Variants in SCHIP1 observed in about 807,000 individuals in gnomAD.
SCHIP1 encodes schwannomin-interacting protein 1.
Under a neutral mutation model 29.7 loss-of-function variants are expected in SCHIP1, and 8 were observed. The ratio of observed to expected loss-of-function variants is 0.27; its 90% CI spans 0.16 to 0.49. The LOEUF is 0.49. SCHIP1 is among the 20% of genes least tolerant of loss of function. SCHIP1 has a pLI of 0.99. For synonymous variants in SCHIP1, 76 were observed against 94.9 expected (o/e 0.80, Z 1.16); for missense variants, 193 against 294.6 (o/e 0.66, Z 2.52).
At chr3:159,388,967 G>A in the SCHIP1 span, among the ~76,000 whole-genome samples, 1 of 152,024 alleles carries the variant, frequency 6.6e-6, no homozygotes, top group Non-Finnish European at 1.5e-5. Context: ...TATTTTACAA[G>A]CTCAGGCTAG....
the SCHIP1 span, among the ~76,000 whole-genome samples, chr3:159,287,678 G>A: frequency 6.6e-6 from 1 of 152,000 alleles, no homozygotes; most frequent in African/African-American, 2.4e-5. Flanking sequence ...TATAATTATA[G>A]CAATCCTATA....
intron 2 of SCHIP1, among the ~76,000 whole-genome samples, chr3:159,867,247 T>C (rs1399307964): frequency 1.3e-5 from 2 of 152,208 alleles, no homozygotes; most frequent in Admixed American, 1.3e-4. Flanking sequence ...ATATACTCTG[T>C]TAAAATACTC....
chr3:159,784,103 T>C, the SCHIP1 span, among the ~76,000 whole-genome samples: 10 of 152,310 alleles, frequency 6.6e-5, no homozygotes, highest in East Asian at 7.7e-4. Flanking sequence ...GAGCAAAGGA[T>C]AATTACCGTG....
At chr3:159,850,816 G>A (rs1275761101) in intron 1 of SCHIP1, among the ~76,000 whole-genome samples, 1 of 152,150 alleles carries the variant, frequency 6.6e-6, no homozygotes, top group African/African-American at 2.4e-5. Context: ...TAGGGGGATG[G>A]TGCTAAACCA....
the SCHIP1 span, among the ~76,000 whole-genome samples, chr3:159,451,813 G>T: frequency 2.0e-4 from 31 of 152,264 alleles, no homozygotes; most frequent in Non-Finnish European, 3.8e-4. Flanking sequence ...GACATAAAGT[G>T]CTGTGAGAGC....
At chr3:159,876,424 A>T (rs1354444100) in intron 2 of SCHIP1, among the ~76,000 whole-genome samples, 1 of 152,180 alleles carries the variant, frequency 6.6e-6, no homozygotes, top group African/African-American at 2.4e-5. Context: ...CCTCATCTGT[A>T]AAATAGGGTA....
the SCHIP1 span, among the ~76,000 whole-genome samples, chr3:159,434,388 A>G: frequency 6.6e-6 from 1 of 152,162 alleles, no homozygotes; most frequent in Non-Finnish European, 1.5e-5. Flanking sequence ...AGAAAACCCA[A>G]CTAATAGTGA....
chr3:159,332,577 A>G, the SCHIP1 span, among the ~76,000 whole-genome samples: 1 of 152,160 alleles, frequency 6.6e-6, no homozygotes, highest in Admixed American at 6.5e-5. Context: ...TTCAGTCTCC[A>G]GGAATATGAG....
At chr3:159,454,194 C>T in the SCHIP1 span, among the ~76,000 whole-genome samples, 2 of 152,158 alleles carry the variant, frequency 1.3e-5, no homozygotes, top group Non-Finnish European at 2.9e-5. Context: ...GGTACTATCC[C>T]CCGAAGATTC....
the SCHIP1 span, among the ~76,000 whole-genome samples, chr3:159,799,685 C>T: frequency 6.6e-6 from 1 of 152,124 alleles, no homozygotes; most frequent in Admixed American, 6.5e-5. Flanking sequence ...GAGTTAGGAG[C>T]TTGCCATACA....
chr3:159,438,593 T>C, the SCHIP1 span, among the ~76,000 whole-genome samples: 1 of 152,114 alleles, frequency 6.6e-6, no homozygotes, highest in Admixed American at 6.6e-5. Flanking sequence ...CACCCAGGTA[T>C]TAAGCCCAGC....
At chr3:159,369,798 G>A in the SCHIP1 span, among the ~76,000 whole-genome samples, 1 of 151,984 alleles carries the variant, frequency 6.6e-6, no homozygotes, top group Non-Finnish European at 1.5e-5. Flanking sequence ...AGAATGTTGA[G>A]GTTATCTAGT....
At chr3:159,423,930 G>C in the SCHIP1 span, among the ~76,000 whole-genome samples, 1 of 152,060 alleles carries the variant, frequency 6.6e-6, no homozygotes, top group Non-Finnish European at 1.5e-5. Flanking sequence ...AAACACCGCT[G>C]CTGATACCCA....
the SCHIP1 span, among the ~76,000 whole-genome samples, chr3:159,744,909 C>T: frequency 2.6e-5 from 4 of 152,082 alleles, no homozygotes; most frequent in South Asian, 6.2e-4. Context: ...GGTGTGAACC[C>T]AGGCGGAGCT....
the SCHIP1 span, among the ~76,000 whole-genome samples, chr3:159,551,440 A>C: frequency 2.0e-5 from 3 of 152,160 alleles, no homozygotes; most frequent in African/African-American, 7.2e-5. Context: ...CTCCCCCTTT[A>C]TCACTAGCTT....
At chr3:159,756,610 A>G in the SCHIP1 span, among the ~76,000 whole-genome samples, 28 of 152,278 alleles carry the variant, frequency 1.8e-4, no homozygotes, top group Non-Finnish European at 8.8e-5. Context: ...ACTTATGCAA[A>G]TTTCTGCAGC....
chr3:159,740,394 A>C, the SCHIP1 span, among the ~76,000 whole-genome samples: 45,873 of 151,996 alleles, frequency 0.3, 7,153 homozygotes, highest in African/African-American at 0.38. Context: ...GGAGTCACCT[A>C]AGGAACACTG....
At chr3:159,823,960 TATC>T in the SCHIP1 span, among the ~76,000 whole-genome samples, 13 of 152,330 alleles carry the variant, frequency 8.5e-5, no homozygotes, top group Admixed American at 3.9e-4. Flanking sequence ...TAATTTGATT[TATC>T]ATCCCATTAA....
chr3:159,401,010 A>C, the SCHIP1 span: 1 of 167,256 alleles, frequency 6.0e-6, no homozygotes, highest in African/African-American at 2.4e-5. Flanking sequence ...GAGGATCAGA[A>C]GGGATTGTGT....
Sources: allele counts gnomAD v4.1 joint callset (sites outside exome capture counted in the v4.1 genomes callset), GRCh38; gene constraint gnomAD v4.1.1; transcripts MANE v1.5; gene names NCBI Gene and HGNC (gene_info 2026-07-23, HGNC 2026-07-21).